The following CPS1 variants were observed in gnomAD, a reference collection of about 807,000 sequenced individuals.
CPS1 encodes the protein carbamoyl-phosphate synthase [ammonia], mitochondrial.
In CPS1, 109 loss-of-function variants were observed where a neutral mutation model predicts 174.6. The observed-to-expected ratio is 0.62, with a 90% confidence interval of 0.53 to 0.73. The LOEUF (loss-of-function observed/expected upper bound fraction) is 0.73. Ranked by LOEUF, CPS1 falls within the 30% of genes least tolerant of loss-of-function variation. The probability of loss-of-function intolerance (pLI) is 0.00; values close to 1 mark genes in which losing one functional copy is unlikely to be tolerated. For missense variants in CPS1, 1,689 were observed against 1,821.9 expected, an observed-to-expected ratio of 0.93 and a Z score of 1.33; for synonymous variants, 637 against 632.0, an observed-to-expected ratio of 1.01 and a Z score of -0.12.
intron 25 of CPS1, among the ~76,000 whole-genome samples, chr2:210,644,720 G>A (rs1195779521): frequency 6.6e-6 from 1 of 152,144 alleles, no homozygotes; most frequent in Non-Finnish European, 1.5e-5. Flanking sequence ...TTAGTGGCCA[G>A]GATAAGTTAA....
At chr2:210,624,184 G>A (rs1229413516) in intron 21 of CPS1, among the ~76,000 whole-genome samples, 2 of 151,972 alleles carry the variant, frequency 1.3e-5, no homozygotes, top group African/African-American at 4.8e-5. Context: ...GCAGAAAATG[G>A]TCTTATGTCT....
At chr2:210,616,177 G>A (rs768715683) in intron 20 of CPS1, among the ~76,000 whole-genome samples, 1 of 151,970 alleles carries the variant, frequency 6.6e-6, no homozygotes, top group Non-Finnish European at 1.5e-5. Flanking sequence ...CCTGTTAGGA[G>A]ATTTTTCTGA....
rs188550313 is a variant in CPS1, at chr2:210,509,795, A to C, written c.3+32029A>C. 3.9e-4 allele frequency among the ~76,000 whole-genome samples: 60 copies of C among 152,310 alleles called. 1 individual carries two copies. Among genetic ancestry groups the C allele is most frequent in the Non-Finnish European group, 2.9e-5 (2 of 68,020 alleles). ...CATTCACAATTGCTTCAGAGAATAA[A>C]ATACCTAGGATCCAACTTACAAGGG... On this transcript the variant is annotated intron_variant, in intron 1 of 38. Transcript: ENST00000430249.
rs749038496 is a variant in CPS1 at position 210,608,325 on chromosome 2, C to T, written c.2193-36C>T. ...TTTTGGTCTGTTTTCAATAATTGCT[C>T]GAAGAAAAAAAAATAAATTTGTCTT... is the stretch of plus-strand genomic sequence containing the variant. On this transcript the variant is annotated intron_variant, in intron 18 of 37. Coordinates refer to ENST00000233072, the MANE Select transcript of CPS1 (RefSeq NM_001875.5). The T allele has an allele frequency of 3.3e-5, 52 of 1,597,650 alleles. 1 individual carries two copies. The Middle Eastern group carries it at 8.3e-4, about 25-fold the overall frequency.
Position 210,647,897 on chromosome 2 carries a change from A to G in CPS1, c.3176A>G (p.Gln1059Arg). 6.2e-7 allele frequency: 1 copy of G among 1,614,060 alleles called. No homozygotes were observed. Among genetic ancestry groups the G allele is most frequent in the Non-Finnish European group, 8.5e-7 (1 of 1,179,942 alleles). ...CGGCIISVGG[Q>R]IPNNLAVPLY... The stretch of plus-strand genomic sequence containing the variant: ...GGCTGCATCATATCAGTTGGAGGCC[A>G]GATTCCAAACAACCTGGCAGTTCCT... Residue 1059 changes from glutamine (Q) to arginine (R), a missense_variant, in exon 26 of 38, where the codon CAG becomes CGG. Coordinates refer to ENST00000233072, the MANE Select transcript of CPS1 (RefSeq NM_001875.5).
chr2:210,672,226 T>C (rs559570781), intron 34 of CPS1: 74 of 152,248 alleles, frequency 4.9e-4, no homozygotes, highest in African/African-American at 1.7e-3. Flanking sequence ...AGAAACCTGG[T>C]TAAAAGTTAT....
intron 1 of CPS1, among the ~76,000 whole-genome samples, chr2:210,479,979 T>C (rs1386060903): frequency 6.6e-6 from 1 of 152,186 alleles, no homozygotes; most frequent in Non-Finnish European, 1.5e-5. Flanking sequence ...TTCTCAGACT[T>C]TAATTTCAAA....
chr2:210,623,495 T>C (rs1439517128), intron 21 of CPS1, among the ~76,000 whole-genome samples: 4 of 152,086 alleles, frequency 2.6e-5, no homozygotes, highest in Non-Finnish European at 5.9e-5. Context: ...ATAGTCAATA[T>C]AGTTTTAAAA....
intron 1 of CPS1, among the ~76,000 whole-genome samples, chr2:210,508,901 CA>C (rs1358569363): frequency 6.6e-6 from 1 of 152,114 alleles, no homozygotes; most frequent in Non-Finnish European, 1.5e-5. Context: ...GCTTACCAAC[CA>C]AAAAAAGTCC....
intron 9 of CPS1, 104 bp from the exon 10 acceptor site, chr2:210,591,727 T>C (rs1698305900): frequency 1.6e-6 from 2 of 1,288,806 alleles, no homozygotes; most frequent in African/African-American, 1.5e-5. Flanking sequence ...ATTGAAATTT[T>C]GAATTTTAAT....
chr2:210,503,400 C>A (rs745482662), intron 1 of CPS1, among the ~76,000 whole-genome samples: 9 of 152,158 alleles, frequency 5.9e-5, no homozygotes, highest in Admixed American at 3.3e-4. Context: ...AACGTTCTAT[C>A]GTCTGAAGGG....
chr2:210,638,525 T>G (rs75421595), intron 22 of CPS1, among the ~76,000 whole-genome samples: 1,602 of 152,272 alleles, frequency 0.011, 21 homozygotes, highest in African/African-American at 0.037. Flanking sequence ...TCTCAAGCTT[T>G]TTGCTAAATA....
chr2:210,675,590 G>T lies in CPS1; in HGVS notation c.4162-138G>T, dbSNP rs1701498602. The T allele has an allele frequency of 4.1e-5, 29 of 703,174 alleles. No homozygotes were observed. The South Asian group carries it at 4.1e-4, about 10-fold the overall frequency. The allele number at this position is 703,174 out of a possible 1,614,324, so 43.6% of individuals were successfully genotyped here. ...TAAAGTGCCCATGCCTCTGGACTGT[G>T]AGTCCAAGTCTCTATCCATGGCACT... On this transcript the variant is annotated intron_variant, in intron 35 of 37. Transcript: ENST00000233072.
intron 3 of CPS1, 144 bp from the exon 4 acceptor site, chr2:210,577,277 T>TC (rs1349865719): frequency 2.9e-6 from 2 of 683,106 alleles, no homozygotes; most frequent in African/African-American, 3.6e-5. Context: ...GGCATTGATT[T>TC]TTTTTTTTTT....
rs534069697 is a variant in CPS1 at position 210,533,143 on chromosome 2, T to G, written c.4-23576T>G. 1.1e-4 allele frequency among the ~76,000 whole-genome samples: 17 copies of G among 152,196 alleles called. No homozygotes were observed. In the South Asian group the frequency reaches 3.3e-3, roughly 30 times the overall value. On this transcript the variant is annotated intron_variant, in intron 1 of 38. Coordinates refer to the CPS1 transcript ENST00000430249. Reference sequence around the variant, plus strand: ...GGGAATTGCCACCTGGTGAGGTCTATCTCTGTCTTTCCCATACTACTTCCT... The same window carrying G: ...GGGAATTGCCACCTGGTGAGGTCTAGCTCTGTCTTTCCCATACTACTTCCT...
Position 210,612,130 on chromosome 2 carries a change from G to A in CPS1, c.2405G>A (p.Gly802Asp). 2 of 1,611,888 alleles carry A rather than the reference G, an allele frequency of 1.2e-6. No homozygotes were observed. The highest frequency in any genetic ancestry group is 1.7e-6 in the Non-Finnish European group (2 of 1,178,626). ...CATGTATTACAGGTCATGGCTATTG[G>A]TCGTACCTTTGAGGAGAGTTTCCAG... ...MKSVGEVMAI[G>D]RTFEESFQKA... The change falls in exon 20 of 38, where the codon GGT becomes GAT. Residue 802 changes from glycine to aspartate, a missense_variant. Gly to Asp is a moderately conservative substitution (Grantham distance 94). Transcript: ENST00000233072.
upstream of CPS1, chr2:210,555,538 A>C: frequency 1.4e-5 from 6 of 443,126 alleles, no homozygotes; most frequent in South Asian, 9.6e-5. Flanking sequence ...ACTTAAATTA[A>C]ACTTTGTTCC....
At chr2:210,663,006 T>C in intron 32 of CPS1, 117 bp from the exon 33 acceptor site, 15 of 978,616 alleles carry the variant, frequency 1.5e-5, no homozygotes, top group Non-Finnish European at 2.4e-5. Flanking sequence ...TTTACATGTC[T>C]ACTGTAGCCT....
At chr2:210,542,237 T>C (rs1696451453) in intron 1 of CPS1, among the ~76,000 whole-genome samples, 1 of 152,110 alleles carries the variant, frequency 6.6e-6, no homozygotes, top group Non-Finnish European at 1.5e-5. Context: ...TGAGAATGGC[T>C]GAAGAAAACC....
Sources: allele counts gnomAD v4.1 joint callset (sites outside exome capture counted in the v4.1 genomes callset), GRCh38; gene constraint gnomAD v4.1.1; transcripts MANE v1.5; gene names NCBI Gene and HGNC (gene_info 2026-07-23, HGNC 2026-07-21).